Variants in SCN2A observed in about 807,000 individuals in gnomAD.
SCN2A encodes sodium voltage-gated channel alpha subunit 2.
SCN2A carries 20 observed loss-of-function variants against 188.7 expected under a neutral mutation model. The observed-to-expected ratio is 0.11, with a 90% confidence interval of 0.07 to 0.15. SCN2A has a LOEUF of 0.15. Among genes scored for constraint, SCN2A ranks in the 10% least tolerant of loss-of-function variants. The probability of loss-of-function intolerance (pLI) is 1.00; values close to 1 mark genes in which losing one functional copy is unlikely to be tolerated. For synonymous variants in SCN2A, 804 were observed against 833.1 expected, an observed-to-expected ratio of 0.97 and a Z score of 0.60; for missense variants, 1,278 against 2,445.0, an observed-to-expected ratio of 0.52 and a Z score of 10.07.
intron 11 of SCN2A, among the ~76,000 whole-genome samples, chr2:165,318,924 C>T (rs972422776): frequency 2.0e-5 from 3 of 152,044 alleles, no homozygotes; most frequent in African/African-American, 7.2e-5. Context: ...AAAATAACTA[C>T]TTGTATGGAA....
At chr2:165,350,998 G>A (rs947351632) in intron 16 of SCN2A, among the ~76,000 whole-genome samples, 7 of 152,164 alleles carry the variant, frequency 4.6e-5, no homozygotes, top group African/African-American at 1.4e-4. Context: ...CAAGAACTGT[G>A]CTGAAAGCCA....
chr2:165,316,272 G>A (rs1697743641), intron 11 of SCN2A, among the ~76,000 whole-genome samples: 2 of 152,142 alleles, frequency 1.3e-5, no homozygotes, highest in Non-Finnish European at 2.9e-5. Context: ...CAGATAGGCA[G>A]GTACTGAGGG....
chr2:165,374,990 C>A (rs1476201705), intron 22 of SCN2A, 24 bp downstream of exon 22: 3 of 1,600,498 alleles, frequency 1.9e-6, no homozygotes, highest in Non-Finnish European at 2.6e-6. Flanking sequence ...TTATTATTTT[C>A]CATGATGTGT....
chr2:165,257,393 A>G (rs1463174504), intron 1 of SCN2A, among the ~76,000 whole-genome samples: 1 of 152,198 alleles, frequency 6.6e-6, no homozygotes, highest in Non-Finnish European at 1.5e-5. Context: ...CACAAAGTGA[A>G]TCACATGATT....
At chr2:165,363,861 C>T (rs1427785652) in intron 17 of SCN2A, among the ~76,000 whole-genome samples, 1 of 151,914 alleles carries the variant, frequency 6.6e-6, no homozygotes, top group Non-Finnish European at 1.5e-5. Context: ...TTTATGCTTC[C>T]ATCATTAGTA....
At chr2:165,362,125 G>T (rs1001958543) in intron 17 of SCN2A, among the ~76,000 whole-genome samples, 1 of 151,962 alleles carries the variant, frequency 6.6e-6, no homozygotes, top group Non-Finnish European at 1.5e-5. Context: ...CAAGGGTGAC[G>T]AAAACATGAT....
intron 17 of SCN2A, among the ~76,000 whole-genome samples, 176 bp downstream of exon 17, chr2:165,354,847 T>C (rs1209068498): frequency 6.6e-6 from 1 of 152,214 alleles, no homozygotes; most frequent in Non-Finnish European, 1.5e-5. Context: ...GATTAAAATA[T>C]AGCTAGATTA....
chr2:165,344,818 G>A lies in SCN2A; in HGVS notation c.2826G>A (p.Glu942=), dbSNP rs139621302. 1 of 1,614,086 alleles carries A rather than the reference G, an allele frequency of 6.2e-7. No homozygotes were observed. The highest frequency in any genetic ancestry group is 1.3e-5 in the African/African-American group (1 of 74,928). ...FLIVFRVLCG[E]WIETMWDCME... ...TCGTGTTCCGCGTGCTGTGTGGAGA[G>A]TGGATAGAGACCATGTGGGACTGTA... Residue 942 remains glutamate (E), a synonymous_variant, in exon 16 of 27, where the codon GAG becomes GAA. Transcript: ENST00000375437.
intron 1 of SCN2A, among the ~76,000 whole-genome samples, chr2:165,254,990 T>C (rs1694253995): frequency 6.6e-6 from 1 of 152,016 alleles, no homozygotes; most frequent in African/African-American, 2.4e-5. Context: ...GTCCATTTTT[T>C]ATTTTTAATT....
At chr2:165,295,460 A>AGGC (rs1317708210) in intron 1 of SCN2A, among the ~76,000 whole-genome samples, 1 of 152,248 alleles carries the variant, frequency 6.6e-6, no homozygotes, top group Non-Finnish European at 1.5e-5. Context: ...GTGAAACAGC[A>AGGC]GGCACAAACC....
In SCN2A at chr2:165,381,205, T is replaced by C. The variant is rs1064797263; in HGVS notation, c.4551+8T>C. 1.3e-6 allele frequency: 2 copies of C among 1,546,794 alleles called. No homozygotes were observed. Among genetic ancestry groups the C allele is most frequent in the East Asian group, 4.6e-5 (2 of 43,244 alleles). ...CCCATACCTCGACCTGCTGTAAGAA[T>C]AACATATTTTCATTGCCTGTTAAAA... On this transcript the variant is annotated splice_region_variant and intron_variant, in intron 25 of 26. Transcript: ENST00000375437.
intron 13 of SCN2A, among the ~76,000 whole-genome samples, chr2:165,328,986 C>CTTTTT (rs1269103949): frequency 1.1e-4 from 10 of 89,386 alleles, no homozygotes; most frequent in Non-Finnish European, 1.5e-4. Flanking sequence ...TAAGATAGTC[C>CTTTTT]TTTTTTTTTT....
intron 14 of SCN2A, among the ~76,000 whole-genome samples, chr2:165,337,691 G>C (rs992097315): frequency 2.0e-5 from 3 of 151,956 alleles, no homozygotes; most frequent in African/African-American, 7.2e-5. Context: ...TTATTCTACA[G>C]AAAGTGAAAC....
intron 1 of SCN2A, among the ~76,000 whole-genome samples, chr2:165,276,471 A>C (rs552328968): frequency 6.6e-6 from 1 of 152,218 alleles, no homozygotes; most frequent in Admixed American, 6.5e-5. Context: ...GAGCCCAACA[A>C]AGACAAATAG....
At chr2:165,301,603 A>G (rs1379901004) in intron 3 of SCN2A, among the ~76,000 whole-genome samples, 30 of 152,230 alleles carry the variant, frequency 2.0e-4, no homozygotes, top group Admixed American at 2.0e-3. Flanking sequence ...GATAAAATGT[A>G]TGACAAGTAT....
intron 14 of SCN2A, among the ~76,000 whole-genome samples, chr2:165,339,896 G>T (rs779358447): frequency 6.6e-6 from 1 of 152,106 alleles, no homozygotes; most frequent in East Asian, 1.9e-4. Context: ...TGACTTCAAG[G>T]CTTGTTATAA....
intron 1 of SCN2A, among the ~76,000 whole-genome samples, chr2:165,249,811 T>C (rs1694009361): frequency 6.6e-6 from 1 of 152,042 alleles, no homozygotes; most frequent in Non-Finnish European, 1.5e-5. Context: ...TCTTATCTAA[T>C]ATAAATATGC....
At chr2:165,350,768 C>T (rs7420272) in intron 16 of SCN2A, among the ~76,000 whole-genome samples, 476 of 152,078 alleles carry the variant, frequency 3.1e-3, no homozygotes, top group Non-Finnish European at 5.6e-3. Context: ...CGCGCCCGGC[C>T]TGAACTGTTT....
chr2:165,259,751 C>T (rs780191016), intron 1 of SCN2A, among the ~76,000 whole-genome samples: 9 of 152,182 alleles, frequency 5.9e-5, no homozygotes, highest in Non-Finnish European at 1.3e-4. Context: ...TCAACCATGA[C>T]GACTGGAATC....
Sources: gnomAD v4.1 joint callset for allele counts (sites outside exome capture counted in the v4.1 genomes callset) on GRCh38, gnomAD v4.1.1 for gene constraint, MANE v1.5 for transcripts, NCBI Gene and HGNC (gene_info 2026-07-23, HGNC 2026-07-21) for gene names.